Variants in UIMC1 observed in about 807,000 individuals in gnomAD.
UIMC1 encodes the protein ubiquitin interaction motif containing 1, also known as BRCA1-A complex subunit RAP80.
A neutral mutation model predicts 84.9 loss-of-function variants in UIMC1; 42 were observed. The observed-to-expected ratio is 0.49, with a 90% CI of 0.39 to 0.64. The LOEUF is 0.64. Among genes scored for constraint, UIMC1 ranks in the 30% least tolerant of loss-of-function variants. The probability of loss-of-function intolerance (pLI) is 0.00; values close to 1 mark genes in which losing one functional copy is unlikely to be tolerated. For missense variants in UIMC1, 825 were observed against 847.6 expected (o/e 0.97, Z 0.33); for synonymous variants, 281 against 293.0 (o/e 0.96, Z 0.42).
intron 10 of UIMC1, among the ~76,000 whole-genome samples, chr5:176,928,425 C>T (rs1445100167): frequency 6.6e-6 from 1 of 152,158 alleles, no homozygotes; most frequent in Non-Finnish European, 1.5e-5. Context: ...GACTATGACA[C>T]AATAACTGTT....
At chr5:176,993,973 A>T (rs1229197123) in intron 1 of UIMC1, among the ~76,000 whole-genome samples, 1 of 151,868 alleles carries the variant, frequency 6.6e-6, no homozygotes, top group African/African-American at 2.4e-5. Flanking sequence ...ACACCACTGC[A>T]GTCCAGCCTG....
At chr5:176,984,887 A>G (rs1771730398) in intron 1 of UIMC1, among the ~76,000 whole-genome samples, 2 of 152,152 alleles carry the variant, frequency 1.3e-5, no homozygotes, top group Admixed American at 1.3e-4. Context: ...AAGATGCTTG[A>G]AGGCAGCATG....
intron 10 of UIMC1, among the ~76,000 whole-genome samples, chr5:176,922,022 T>C (rs1761773068): frequency 6.6e-6 from 1 of 152,198 alleles, no homozygotes; most frequent in Non-Finnish European, 1.5e-5. Context: ...CTTTAGGGCC[T>C]TTGTATTTAT....
upstream of UIMC1, among the ~76,000 whole-genome samples, chr5:177,007,753 G>A (rs1002189070): frequency 1.3e-5 from 2 of 152,114 alleles, no homozygotes; most frequent in Admixed American, 6.6e-5. Context: ...AAGGAGTAGC[G>A]GAAAATGTGG....
chr5:176,929,658 T>C (rs1762846166), intron 10 of UIMC1, among the ~76,000 whole-genome samples: 1 of 152,198 alleles, frequency 6.6e-6, no homozygotes, highest in Non-Finnish European at 1.5e-5. Context: ...CACGAGTTGA[T>C]GAATGACTAG....
chr5:176,910,778 C>A (rs912748281), intron 11 of UIMC1, among the ~76,000 whole-genome samples: 1 of 152,054 alleles, frequency 6.6e-6, no homozygotes, highest in Non-Finnish European at 1.5e-5. Context: ...CCTACACTGA[C>A]AGAGACTAGG....
intron 11 of UIMC1, among the ~76,000 whole-genome samples, 141 bp downstream of exon 11, chr5:176,911,152 AAAGAAAAGAAAAGAAAAG>A (rs1201934928): frequency 0.013 from 1,004 of 75,040 alleles, 21 homozygotes; most frequent in African/African-American, 0.046. Context: ...AAAGAAAAGA[AAAGAAAAGAAAAGAAAAG>A]AAAAGAAAAT....
intron 10 of UIMC1, among the ~76,000 whole-genome samples, chr5:176,929,399 TA>T (rs1271454385): frequency 6.9e-6 from 1 of 144,206 alleles, no homozygotes; most frequent in African/African-American, 2.6e-5. Context: ...CCGTCTCTAC[TA>T]AAAAAAATAC....
chr5:176,938,455 C>G (rs1763990247), intron 10 of UIMC1, among the ~76,000 whole-genome samples: 1 of 152,164 alleles, frequency 6.6e-6, no homozygotes, highest in African/African-American at 2.4e-5. Flanking sequence ...AGCAGGTGCT[C>G]TGCATAATTC....
intron 1 of UIMC1, among the ~76,000 whole-genome samples, chr5:177,011,986 G>C (rs1274759452): frequency 6.6e-6 from 1 of 151,980 alleles, no homozygotes; most frequent in Non-Finnish European, 1.5e-5. Context: ...ATTTTTAGTA[G>C]AGATGGGATT....
intron 10 of UIMC1, among the ~76,000 whole-genome samples, chr5:176,941,237 A>C (rs1764379613): frequency 6.6e-6 from 1 of 152,244 alleles, no homozygotes; most frequent in South Asian, 2.1e-4. Context: ...AAACAGAAAA[A>C]GCAGAATATA....
At chr5:176,984,723 G>C (rs1030049449) in intron 1 of UIMC1, among the ~76,000 whole-genome samples, 20 of 152,100 alleles carry the variant, frequency 1.3e-4, no homozygotes, top group Non-Finnish European at 2.4e-4. Flanking sequence ...GTAGACATAG[G>C]AGACTCCATT....
Position 176,969,233 on chromosome 5 carries a change from G to C in UIMC1, c.522C>G (p.Asn174Lys). The C allele has an allele frequency of 6.2e-7, 1 of 1,614,094 alleles. No homozygotes were observed. The highest frequency in any genetic ancestry group is 8.5e-7 in the Non-Finnish European group (1 of 1,180,022). Residue 174 changes from asparagine (N) to lysine (K), a missense_variant, in exon 6 of 15, where the codon AAC becomes AAG. By Grantham distance (94) the Asn-to-Lys change is moderately conservative. Coordinates refer to ENST00000511320, the MANE Select transcript of UIMC1 (RefSeq NM_001199298.2). ...AAGGCTCCTCTCTTTCCTCAGCCTC[G>C]TTTCCCTGACTGATATGTGAGCCTT... ...LFKGSHISQG[N>K]EAEEREEPWD...
rs143819916 is a variant in UIMC1 at position 176,969,232 on chromosome 5, C to T, written c.523G>A (p.Glu175Lys). 18 of 1,614,078 alleles carry T rather than the reference C, an allele frequency of 1.1e-5. No individual in the cohort carries two copies. Among genetic ancestry groups the T allele is most frequent in the Non-Finnish European group, 1.4e-5 (16 of 1,180,058 alleles). Reference sequence around the variant, plus strand: ...CAAGGCTCCTCTCTTTCCTCAGCCTCGTTTCCCTGACTGATATGTGAGCCT... The same window carrying T: ...CAAGGCTCCTCTCTTTCCTCAGCCTTGTTTCCCTGACTGATATGTGAGCCT... Reference protein sequence around the residue: ...FKGSHISQGNEAEEREEPWDH... With the variant: ...FKGSHISQGNKAEEREEPWDH... The change falls in exon 6 of 15, where the codon GAG becomes AAG. Residue 175 changes from glutamate to lysine, a missense_variant. Coordinates refer to ENST00000511320, the MANE Select transcript of UIMC1 (RefSeq NM_001199298.2).
intron 9 of UIMC1, among the ~76,000 whole-genome samples, chr5:176,947,937 A>C (rs979261202): frequency 1.3e-5 from 2 of 151,708 alleles, no homozygotes; most frequent in African/African-American, 2.4e-5. Context: ...AATACACCTC[A>C]CTTCAAGAGA....
chr5:177,007,113 G>A (rs1266182795), upstream of UIMC1, among the ~76,000 whole-genome samples: 3 of 152,134 alleles, frequency 2.0e-5, no homozygotes, highest in African/African-American at 7.2e-5. Flanking sequence ...GGCAGAGGCG[G>A]GCGGATTACC....
At chr5:176,954,234 C>T (rs1471666840) in intron 8 of UIMC1, among the ~76,000 whole-genome samples, 3 of 152,128 alleles carry the variant, frequency 2.0e-5, no homozygotes, top group Non-Finnish European at 2.9e-5. Context: ...TGATGTCACA[C>T]GCCATCATCC....
At chr5:176,931,834 C>T (rs919094791) in intron 10 of UIMC1, among the ~76,000 whole-genome samples, 3 of 152,004 alleles carry the variant, frequency 2.0e-5, no homozygotes, top group South Asian at 4.1e-4. Context: ...AAAATACAGG[C>T]GTGGTGGCAC....
chr5:176,919,113 T>C (rs1581375919), intron 10 of UIMC1: 1 of 313,064 alleles, frequency 3.2e-6, no homozygotes, highest in East Asian at 1.5e-4. Flanking sequence ...TTCACTGAGA[T>C]ATATTCATGT....
Sources: allele counts gnomAD v4.1 joint callset (sites outside exome capture counted in the v4.1 genomes callset), GRCh38; gene constraint gnomAD v4.1.1; transcripts MANE v1.5; gene names NCBI Gene and HGNC (gene_info 2026-07-23, HGNC 2026-07-21).